The following TMEFF1 variants were observed in gnomAD, a reference collection of about 807,000 sequenced individuals.
The protein encoded by TMEFF1 is tomoregulin-1.
TMEFF1 carries 20 observed loss-of-function variants against 47.5 expected under a neutral mutation model. The observed-to-expected ratio is 0.42, with a 90% CI of 0.30 to 0.61. The LOEUF is 0.61. TMEFF1 is among the 20% of genes least tolerant of loss of function. The pLI is 0.19. For synonymous variants in TMEFF1, 162 were observed against 166.3 expected (o/e 0.97, Z 0.20); for missense variants, 411 against 471.1 (o/e 0.87, Z 1.18).
intron 8 of TMEFF1, among the ~76,000 whole-genome samples, chr9:100,571,751 A>G (rs905857876): frequency 2.6e-5 from 4 of 152,096 alleles, no homozygotes; most frequent in African/African-American, 9.7e-5. Flanking sequence ...TAATTATACA[A>G]CTCACCATAA....
intron 1 of TMEFF1, among the ~76,000 whole-genome samples, chr9:100,491,923 C>T (rs569994785): frequency 1.3e-5 from 2 of 151,374 alleles, no homozygotes; most frequent in African/African-American, 2.4e-5. Flanking sequence ...CTCTGTAGCC[C>T]AGGCTGGAGT....
intron 1 of TMEFF1, among the ~76,000 whole-genome samples, chr9:100,481,613 T>C (rs1436806118): frequency 6.6e-6 from 1 of 152,158 alleles, no homozygotes; most frequent in Non-Finnish European, 1.5e-5. Context: ...TTTAAAGGGT[T>C]TGAGTGACAT....
chr9:100,550,753 T>C (rs756244197), intron 7 of TMEFF1, among the ~76,000 whole-genome samples: 1 of 152,224 alleles, frequency 6.6e-6, no homozygotes, highest in African/African-American at 2.4e-5. Flanking sequence ...AGAACCTGTC[T>C]GTCATGTTCA....
intron 1 of TMEFF1, among the ~76,000 whole-genome samples, chr9:100,497,212 T>C (rs1837666185): frequency 6.6e-6 from 1 of 151,400 alleles, no homozygotes; most frequent in South Asian, 2.1e-4. Context: ...ACAGCCAGGG[T>C]GATGAGGAAT....
intron 5 of TMEFF1, among the ~76,000 whole-genome samples, chr9:100,530,905 A>T (rs1838363701): frequency 6.6e-6 from 1 of 152,210 alleles, no homozygotes; most frequent in Admixed American, 6.5e-5. Flanking sequence ...AGTGGGCTTC[A>T]TCCCTGGCAT....
At chr9:100,502,263 T>G (rs994958092) in intron 2 of TMEFF1, among the ~76,000 whole-genome samples, 1 of 152,226 alleles carries the variant, frequency 6.6e-6, no homozygotes, top group East Asian at 1.9e-4. Context: ...ACACTATGTA[T>G]TTTTAATTGA....
intron 5 of TMEFF1, among the ~76,000 whole-genome samples, chr9:100,526,955 CAAA>C (rs55736750): frequency 0.064 from 2,487 of 38,848 alleles, 11 homozygotes; most frequent in Admixed American, 0.082. Flanking sequence ...GCTAAAAATA[CAAA>C]AAAAAAAAAA....
intron 1 of TMEFF1, among the ~76,000 whole-genome samples, chr9:100,479,677 A>G (rs1443352542): frequency 6.6e-6 from 1 of 152,280 alleles, no homozygotes; most frequent in Middle Eastern, 3.4e-3. Context: ...ATGTGCATCC[A>G]TGTTGTAGTG....
intron 1 of TMEFF1, among the ~76,000 whole-genome samples, chr9:100,485,476 A>G (rs1376655725): frequency 1.3e-5 from 2 of 152,344 alleles, no homozygotes; most frequent in African/African-American, 4.8e-5. Flanking sequence ...TTCATCAGCT[A>G]TGTGTGAACA....
intron 5 of TMEFF1, among the ~76,000 whole-genome samples, chr9:100,544,689 A>T (rs1243086829): frequency 6.6e-6 from 1 of 152,178 alleles, no homozygotes; most frequent in East Asian, 1.9e-4. Flanking sequence ...TTCAGCATTA[A>T]CTCAAAAGTC....
At chr9:100,543,069 C>T (rs1345030720) in intron 5 of TMEFF1, among the ~76,000 whole-genome samples, 2 of 152,036 alleles carry the variant, frequency 1.3e-5, no homozygotes, top group East Asian at 1.9e-4. Context: ...GCTGGGATTA[C>T]AGGCATGTGC....
chr9:100,507,081 TA>T (rs1336838492), intron 2 of TMEFF1, among the ~76,000 whole-genome samples: 1 of 152,166 alleles, frequency 6.6e-6, no homozygotes, highest in African/African-American at 2.4e-5. Flanking sequence ...TGTCCATGTG[TA>T]TCCAATGTTT....
chr9:100,474,340 CGCGCGTGT>C (rs1366664676), intron 1 of TMEFF1, among the ~76,000 whole-genome samples: 1 of 150,732 alleles, frequency 6.6e-6, no homozygotes, highest in East Asian at 2.0e-4. Flanking sequence ...TGCGCGCGCG[CGCGCGTGT>C]GTGTTCTTTG....
chr9:100,498,684 T>TACAC (rs372284828), intron 1 of TMEFF1, 81 bp from the exon 2 acceptor site: 82 of 1,250,122 alleles, frequency 6.6e-5, no homozygotes, highest in Admixed American at 9.0e-5. Flanking sequence ...GACTTTTTCA[T>TACAC]ACACACACAC....
chr9:100,550,220 C>T, intron 7 of TMEFF1, 60 bp downstream of exon 7: 1 of 1,542,068 alleles, frequency 6.5e-7, no homozygotes, highest in Non-Finnish European at 8.8e-7. Flanking sequence ...ACTAGCTGTC[C>T]TTATTAGTTC....
intron 5 of TMEFF1, among the ~76,000 whole-genome samples, chr9:100,532,353 G>A (rs1290109703): frequency 1.3e-5 from 2 of 152,020 alleles, no homozygotes; most frequent in East Asian, 1.9e-4. Context: ...CTGACAAAGG[G>A]CTAATATCCA....
chr9:100,542,909 ATCTCTC>A (rs1378920724), intron 5 of TMEFF1, among the ~76,000 whole-genome samples: 1 of 139,878 alleles, frequency 7.1e-6, no homozygotes, highest in Admixed American at 7.2e-5. Context: ...TGACTCTTCC[ATCTCTC>A]TCTCTCTCTT....
chr9:100,564,769 G>A (rs1839090193), intron 8 of TMEFF1, among the ~76,000 whole-genome samples: 1 of 152,214 alleles, frequency 6.6e-6, no homozygotes, highest in Non-Finnish European at 1.5e-5. Context: ...ATTGTGGAAA[G>A]TAGATTAGAA....
intron 1 of TMEFF1, among the ~76,000 whole-genome samples, chr9:100,478,939 T>C (rs1460832272): frequency 2.6e-5 from 4 of 152,144 alleles, no homozygotes; most frequent in African/African-American, 7.2e-5. Context: ...TCGTGATAGA[T>C]ATAAGGTAGA....
Sources: allele counts gnomAD v4.1 joint callset (sites outside exome capture counted in the v4.1 genomes callset), GRCh38; gene constraint gnomAD v4.1.1; transcripts MANE v1.5; gene names NCBI Gene and HGNC (gene_info 2026-07-23, HGNC 2026-07-21).